The following NLRP14 variants were observed in gnomAD, a reference collection of about 807,000 sequenced individuals.
NLRP14 encodes NACHT, LRR and PYD domains-containing protein 14.
NLRP14 carries 105 observed loss-of-function variants against 94.7 expected under a neutral mutation model. That is an observed-to-expected ratio of 1.11 (90% CI 0.95 to 1.30). The LOEUF (loss-of-function observed/expected upper bound fraction) is 1.30, where lower values mean the gene tolerates loss of function less well. Ranked by LOEUF, NLRP14 falls within the 50% of genes most tolerant of loss-of-function variation. NLRP14 has a pLI of 0.00. For missense variants in NLRP14, 1,362 were observed against 1,254.1 expected, an observed-to-expected ratio of 1.09 and a Z score of -1.30; for synonymous variants, 508 against 459.9, an observed-to-expected ratio of 1.10 and a Z score of -1.34.
At chr11:7,076,014 T>C (rs1852870709), downstream of NLRP14, among the ~76,000 whole-genome samples, 1 of 152,238 alleles carries the variant, frequency 6.6e-6, no homozygotes, top group Non-Finnish European at 1.5e-5. Flanking sequence ...TGTCAGTGTT[T>C]CACTTACTGC....
chr11:7,041,308 C>T (rs1252354040), intron 3 of NLRP14, among the ~76,000 whole-genome samples: 1 of 152,062 alleles, frequency 6.6e-6, no homozygotes, highest in Non-Finnish European at 1.5e-5. Flanking sequence ...TTTAAAATTA[C>T]ATAAAGTGAG....
At chr11:7,062,267 T>G in intron 9 of NLRP14, 66 bp from the exon 10 acceptor site, 8 of 1,366,420 alleles carry the variant, frequency 5.9e-6, no homozygotes, top group South Asian at 5.8e-5. Flanking sequence ...TGGGTATATC[T>G]CCTAGGAAGA....
intron 1 of NLRP14, among the ~76,000 whole-genome samples, chr11:7,022,455 A>G (rs976377174): frequency 2.0e-5 from 3 of 152,218 alleles, no homozygotes; most frequent in African/African-American, 7.2e-5. Context: ...AATTTTCCAT[A>G]ATTTTGGTTA....
the NLRP14 span, chr11:7,090,669 AACGGATCATTCTGCTCATT>A: frequency 6.1e-6 from 2 of 326,324 alleles, no homozygotes; most frequent in Non-Finnish European, 1.2e-5. Flanking sequence ...AAAATGGAAA[AACGGATCATTCTGCTCATT>A]TAAACCAACT....
At chr11:7,038,933 C>A in intron 2 of NLRP14, 58 bp downstream of exon 2, 1 of 1,532,908 alleles carries the variant, frequency 6.5e-7, no homozygotes, top group Non-Finnish European at 8.9e-7. Context: ...TTCCTGGAGC[C>A]CAGTGGAATG....
At chr11:7,070,477 CA>C (rs751303094) in intron 11 of NLRP14, 21 bp downstream of exon 11, 2 of 1,581,422 alleles carry the variant, frequency 1.3e-6, no homozygotes, top group Non-Finnish European at 1.7e-6. Flanking sequence ...ATTGGCTTCT[CA>C]GGGGGAGCAT....
At chr11:7,089,871 G>T in the NLRP14 span, 1 of 1,612,792 alleles carries the variant, frequency 6.2e-7, no homozygotes, top group Non-Finnish European at 8.5e-7. Context: ...TGTCCGGGAC[G>T]ACTGTCCCTT....
chr11:7,042,188 A>G (rs1207930854), intron 3 of NLRP14, among the ~76,000 whole-genome samples, 200 bp from the exon 4 acceptor site: 1 of 151,910 alleles, frequency 6.6e-6, no homozygotes, highest in African/African-American at 2.4e-5. Context: ...TTTTTATTAC[A>G]GTATCTAATA....
chr11:7,046,528 C>A, intron 4 of NLRP14, 140 bp from the exon 5 acceptor site: 2 of 762,574 alleles, frequency 2.6e-6, no homozygotes. Flanking sequence ...TCCTGGTGGA[C>A]TGTGCCCACG....
At position 7,058,273 on chromosome 11, in the gene NLRP14, C is replaced by G; in HGVS notation, c.2463-7C>G. On this transcript the variant is annotated splice_polypyrimidine_tract_variant and splice_region_variant and intron_variant, in intron 7 of 11. Coordinates refer to ENST00000299481, the MANE Select transcript of NLRP14 (RefSeq NM_176822.4). Reference sequence around the variant, plus strand: ...GACAGATCTCTTCTCATCTCTTTCTCTTTCAGCTTAGAAAGCTGTGGTCTC... The same window carrying G: ...GACAGATCTCTTCTCATCTCTTTCTGTTTCAGCTTAGAAAGCTGTGGTCTC... 6.2e-7 allele frequency: 1 copy of G among 1,611,332 alleles called. No individual in the cohort carries two copies. Among genetic ancestry groups the G allele is most frequent in the Non-Finnish European group, 8.5e-7 (1 of 1,177,886 alleles).
chr11:7,057,573 A>G (rs16921939), intron 6 of NLRP14, 104 bp from the exon 7 acceptor site: 1 of 1,122,970 alleles, frequency 8.9e-7, no homozygotes, highest in Non-Finnish European at 1.3e-6. Flanking sequence ...TTTTCAGGCA[A>G]GATTCCAAAG....
At position 7,070,431 on chromosome 11, in the gene NLRP14, C is replaced by T. The variant is rs1565028630; in HGVS notation, c.3121C>T (p.Pro1041Ser). 1 of 1,611,582 alleles carries T rather than the reference C, an allele frequency of 6.2e-7. No homozygotes were observed. The highest frequency in any genetic ancestry group is 8.5e-7 in the Non-Finnish European group (1 of 1,178,086). Residue 1041 changes from proline to serine, a missense_variant, in exon 11 of 12, where the codon CCT becomes TCT. Transcript: ENST00000299481. ...IVKLYKVLKS[P>S]KCKLQVLGLC... ...GAAGTTATATAAAGTCTTGAAGTCTCCTAAGTGTAAACTACAAGTTCTAGG... is the reference window on the plus strand; with the variant it reads ...GAAGTTATATAAAGTCTTGAAGTCTTCTAAGTGTAAACTACAAGTTCTAGG...
intron 10 of NLRP14, among the ~76,000 whole-genome samples, chr11:7,070,055 C>T (rs981951983): frequency 3.3e-5 from 5 of 152,068 alleles, no homozygotes; most frequent in African/African-American, 1.2e-4. Flanking sequence ...TTTATTTATT[C>T]CTTAATAATT....
At chr11:7,031,083 G>C (rs1216453718) in intron 1 of NLRP14, among the ~76,000 whole-genome samples, 1 of 152,222 alleles carries the variant, frequency 6.6e-6, no homozygotes, top group East Asian at 1.9e-4. Flanking sequence ...TTCTCTCAGG[G>C]GAGGAGGAAG....
At chr11:7,034,875 A>G (rs1441408240) in intron 1 of NLRP14, among the ~76,000 whole-genome samples, 3 of 152,150 alleles carry the variant, frequency 2.0e-5, no homozygotes, top group African/African-American at 7.2e-5. Context: ...CTAATGAACG[A>G]CCCTGAATTA....
chr11:7,081,383 A>G, the NLRP14 span, among the ~76,000 whole-genome samples: 5 of 152,098 alleles, frequency 3.3e-5, no homozygotes, highest in African/African-American at 1.2e-4. Flanking sequence ...GCAAGATAGT[A>G]TCACCCAAGA....
downstream of NLRP14, among the ~76,000 whole-genome samples, chr11:7,075,272 G>A (rs12419463): frequency 0.031 from 4,721 of 152,224 alleles, 136 homozygotes; most frequent in East Asian, 0.13. Flanking sequence ...AAAGATGAAT[G>A]TCACTTATGA....
chr11:7,040,254 C>T (rs1852228306), intron 3 of NLRP14, among the ~76,000 whole-genome samples: 2 of 152,164 alleles, frequency 1.3e-5, no homozygotes, highest in Admixed American at 6.5e-5. Flanking sequence ...TACTGGTCGG[C>T]GGCCCCTCGG....
Position 7,043,620 on chromosome 11 carries a change from T to G in NLRP14, c.1594T>G (p.Leu532Val). The part of the protein sequence containing the change: ...DPHLTQMKCF[L>V]FGLLNEDRVK... ...CCATTTGACACAGATGAAGTGCTTTTTGTTTGGCCTTTTGAATGAAGATCG... is the reference window on the plus strand; with the variant it reads ...CCATTTGACACAGATGAAGTGCTTTGTGTTTGGCCTTTTGAATGAAGATCG... Residue 532 changes from leucine to valine, a missense_variant, in exon 4 of 12, where the codon TTG becomes GTG. Leu to Val is a conservative substitution (Grantham distance 32). Transcript: ENST00000299481. The G allele has an allele frequency of 6.2e-7, 1 of 1,614,146 alleles. No individual in the cohort carries two copies. Among genetic ancestry groups the G allele is most frequent in the Non-Finnish European group, 8.5e-7 (1 of 1,180,032 alleles).
Sources: allele counts gnomAD v4.1 joint callset (sites outside exome capture counted in the v4.1 genomes callset), GRCh38; gene constraint gnomAD v4.1.1; transcripts MANE v1.5; gene names NCBI Gene and HGNC (gene_info 2026-07-23, HGNC 2026-07-21).